GALNT9: variants seen among roughly 807,000 people sequenced by gnomAD.
The protein encoded by GALNT9 is polypeptide N-acetylgalactosaminyltransferase 9, also known as GalNAc transferase 9.
In GALNT9, 47 loss-of-function variants were observed where a neutral mutation model predicts 63.1. The ratio of observed to expected loss-of-function variants is 0.75; its 90% CI spans 0.59 to 0.95. GALNT9 has a LOEUF of 0.95. GALNT9 is among the 40% of genes least tolerant of loss of function. The pLI, the probability that GALNT9 is intolerant of heterozygous loss-of-function variation, is 0.00. For synonymous variants in GALNT9, 396 were observed against 365.7 expected (o/e 1.08, Z -0.94); for missense variants, 829 against 874.8 (o/e 0.95, Z 0.66).
chr12:132,208,158 T>C (rs1200585128), intron 6 of GALNT9, among the ~76,000 whole-genome samples: 1 of 152,174 alleles, frequency 6.6e-6, no homozygotes, highest in Admixed American at 6.5e-5. Flanking sequence ...AAATTTCAGA[T>C]GAATATTGGC....
At chr12:132,314,509 C>T (rs1250639970) in intron 1 of GALNT9, among the ~76,000 whole-genome samples, 5 of 152,186 alleles carry the variant, frequency 3.3e-5, no homozygotes, top group African/African-American at 4.8e-5. Context: ...GGAGTAGTGA[C>T]TTGCCCGAGG....
In GALNT9 at chr12:132,265,335, C is replaced by T. The variant is rs781944384; in HGVS notation, c.420-2710G>A. Among the ~76,000 whole-genome samples, 28 of 152,178 alleles carry T rather than the reference C, an allele frequency of 1.8e-4. No individual in the cohort carries two copies. Among genetic ancestry groups the T allele is most frequent in the Non-Finnish European group, 2.4e-4 (16 of 68,044 alleles). ...GCCTTTCCTTCCGTGGTGGGCTGAA[C>T]GGTGTCCTCCTCCCGCGACCCAAGA... On this transcript the variant is annotated intron_variant, in intron 2 of 10. Coordinates refer to ENST00000328957, the MANE Select transcript of GALNT9 (RefSeq NM_001122636.2). This position sits in a 1 kb window ranked among gnomAD's most constrained non-coding sequence, Gnocchi z 5.3.
chr12:132,260,196 G>A (rs1226030010), intron 4 of GALNT9, among the ~76,000 whole-genome samples: 1 of 152,210 alleles, frequency 6.6e-6, no homozygotes, highest in Non-Finnish European at 1.5e-5. Flanking sequence ...GAGGGCGTGG[G>A]GGTCGGAGGT....
intron 1 of GALNT9, among the ~76,000 whole-genome samples, chr12:132,311,744 C>T (rs1357082215): frequency 6.6e-6 from 1 of 152,060 alleles, no homozygotes; most frequent in African/African-American, 2.4e-5. Context: ...GTGAGGGAAC[C>T]AGCAGCACCA....
intron 5 of GALNT9, among the ~76,000 whole-genome samples, chr12:132,255,789 G>A (rs1018575763): frequency 6.6e-6 from 1 of 152,208 alleles, no homozygotes; most frequent in Admixed American, 6.5e-5. Flanking sequence ...ACGCCTGCAC[G>A]CTAAGCATGG....
chr12:132,291,809 C>T (rs889491439), intron 1 of GALNT9, among the ~76,000 whole-genome samples: 1 of 152,218 alleles, frequency 6.6e-6, no homozygotes, highest in Non-Finnish European at 1.5e-5. Flanking sequence ...CCCTCCTGTC[C>T]CCACACCCTC....
chr12:132,320,373 C>T (rs535005878), intron 1 of GALNT9, among the ~76,000 whole-genome samples: 29 of 152,346 alleles, frequency 1.9e-4, no homozygotes, highest in Non-Finnish European at 3.8e-4. Flanking sequence ...GAGGCACAGA[C>T]GCCCCCACCT....
intron 1 of GALNT9, among the ~76,000 whole-genome samples, chr12:132,297,419 C>T (rs1252905183): frequency 6.6e-6 from 1 of 151,534 alleles, no homozygotes; most frequent in African/African-American, 2.4e-5. Flanking sequence ...ATAACCAACT[C>T]ACTCCTGAGA....
intron 6 of GALNT9, among the ~76,000 whole-genome samples, chr12:132,204,569 C>G (rs771668142): frequency 2.0e-5 from 3 of 152,158 alleles, no homozygotes; most frequent in Non-Finnish European, 4.4e-5. Flanking sequence ...CTCACGCCAC[C>G]GGCTCTCCTG....
At position 132,286,308 on chromosome 12, in the gene GALNT9, C is replaced by CGTT; in HGVS notation, c.358_360dup (p.Asn120dup). 1 of 1,551,222 alleles carries CGTT rather than the reference C, an allele frequency of 6.4e-7. No homozygotes were observed. Among genetic ancestry groups the CGTT allele is most frequent in the Non-Finnish European group, 8.7e-7 (1 of 1,146,906 alleles). On this transcript the variant is annotated inframe_insertion, in exon 2 of 11. Transcript: ENST00000328957. The surrounding 1 kb of genome is among the most constrained non-coding windows in gnomAD (Gnocchi z 7.4). ...AGGGAGATGCGGTCGCTGAGCTGAG[C>CGTT]GTTGTAGCCGTACTCCTCATACTTG...
At chr12:132,275,866 G>A (rs1211179635) in intron 2 of GALNT9, 1 of 152,650 alleles carries the variant, frequency 6.6e-6, no homozygotes, top group Non-Finnish European at 1.5e-5. Context: ...GTGAGATGCT[G>A]CGTGTGCATG....
At chr12:132,235,269 G>A (rs1877961496) in intron 6 of GALNT9, among the ~76,000 whole-genome samples, 1 of 152,146 alleles carries the variant, frequency 6.6e-6, no homozygotes, top group East Asian at 1.9e-4. Context: ...GACAGTGCTG[G>A]AGGAGTGAGG....
intron 6 of GALNT9, among the ~76,000 whole-genome samples, chr12:132,229,169 C>A (rs1229547843): frequency 6.6e-6 from 1 of 152,226 alleles, no homozygotes; most frequent in Non-Finnish European, 1.5e-5. Context: ...CTGTTCCCTG[C>A]AGCTGCCTCT....
At chr12:132,292,392 C>T (rs1389389921) in intron 1 of GALNT9, among the ~76,000 whole-genome samples, 1 of 152,318 alleles carries the variant, frequency 6.6e-6, no homozygotes, top group African/African-American at 2.4e-5. Context: ...TCCCCATCCC[C>T]GCAATGAAGA....
chr12:132,228,226 C>T (rs1877767316), intron 6 of GALNT9, among the ~76,000 whole-genome samples: 1 of 152,102 alleles, frequency 6.6e-6, no homozygotes, highest in Non-Finnish European at 1.5e-5. Context: ...AAGGAGACAC[C>T]CCCGCGTCCC....
Position 132,286,108 on chromosome 12 carries a change from T to TG in GALNT9, c.419+141dup, listed in dbSNP as rs1332510002. On this transcript the variant is annotated intron_variant, in intron 2 of 10. Coordinates refer to ENST00000328957, the MANE Select transcript of GALNT9 (RefSeq NM_001122636.2). The surrounding 1 kb of genome is among the most constrained non-coding windows in gnomAD (Gnocchi z 7.4). ...GGGGCGGTCACTTCCCCGGCGGGCGTGGGGGGCGGTCACTTCCCTGGCGGG... is the reference window on the plus strand; with the variant it reads ...GGGGCGGTCACTTCCCCGGCGGGCGTGGGGGGGCGGTCACTTCCCTGGCGGG... The TG allele has an allele frequency of 1.3e-5, 13 of 986,738 alleles. No individual in the cohort carries two copies. Among genetic ancestry groups the TG allele is most frequent in the Non-Finnish European group, 1.8e-5 (13 of 716,764 alleles). The allele number at this position is 986,738 out of a possible 1,614,324, so 61.1% of individuals were successfully genotyped here. A position where few individuals can be genotyped will look rare whatever the true frequency, so the allele number is the denominator to read the frequency against.
At position 132,246,141 on chromosome 12, in the gene GALNT9, G is replaced by A. The variant is rs1186821088; in HGVS notation, c.1077+1769C>T. ...ACCCGCGTGGGTGCGTTCAATCCAC[G>A]GCCGACCCGCCAAGGTCTGGTGTTT... On this transcript the variant is annotated intron_variant, in intron 6 of 10. Coordinates refer to ENST00000328957, the MANE Select transcript of GALNT9 (RefSeq NM_001122636.2). The surrounding 1 kb of genome is among the most constrained non-coding windows in gnomAD (Gnocchi z 4.7). Among the ~76,000 whole-genome samples, 1 of 152,238 alleles carries A rather than the reference G, an allele frequency of 6.6e-6. No individual in the cohort carries two copies. Among genetic ancestry groups the A allele is most frequent in the Non-Finnish European group, 1.5e-5 (1 of 68,040 alleles).
intron 1 of GALNT9, among the ~76,000 whole-genome samples, chr12:132,320,872 G>T (rs1555246068): frequency 6.6e-6 from 1 of 152,252 alleles, no homozygotes; most frequent in East Asian, 1.9e-4. Context: ...CGAGGCTGTT[G>T]CTCCGGGCAT....
chr12:132,302,004 G>A (rs2055428681), intron 1 of GALNT9, among the ~76,000 whole-genome samples: 1 of 152,248 alleles, frequency 6.6e-6, no homozygotes, highest in Non-Finnish European at 1.5e-5. Flanking sequence ...AGGGGCTCAC[G>A]TGTTTATCAC....
Sources: gnomAD v4.1 joint callset for allele counts (sites outside exome capture counted in the v4.1 genomes callset) on GRCh38, gnomAD v4.1.1 for gene constraint, Gnocchi (gnomAD v3.1) non-coding constraint, MANE v1.5 for transcripts, NCBI Gene and HGNC (gene_info 2026-07-23, HGNC 2026-07-21) for gene names.